GALNT17: variants seen among roughly 807,000 people sequenced by gnomAD.
GALNT17 encodes the protein polypeptide N-acetylgalactosaminyltransferase 17.
Under a neutral mutation model 63.7 loss-of-function variants are expected in GALNT17, and 29 were observed. The ratio of observed to expected loss-of-function variants is 0.46; its 90% CI spans 0.34 to 0.62. The LOEUF is 0.62. GALNT17 is among the 20% of genes least tolerant of loss of function. The pLI, the probability that GALNT17 is intolerant of heterozygous loss-of-function variation, is 0.01. For synonymous variants in GALNT17, 305 were observed against 318.3 expected, an observed-to-expected ratio of 0.96 and a Z score of 0.45; for missense variants, 603 against 799.6, an observed-to-expected ratio of 0.75 and a Z score of 2.97.
intron 3 of GALNT17, among the ~76,000 whole-genome samples, chr7:71,407,352 T>A (rs1024393591): frequency 4.6e-5 from 7 of 152,320 alleles, no homozygotes; most frequent in African/African-American, 1.7e-4. Flanking sequence ...GACTGGGCTT[T>A]AGGAGCAAGC....
At chr7:71,668,281 C>T (rs2117052146) in intron 7 of GALNT17, among the ~76,000 whole-genome samples, 1 of 152,066 alleles carries the variant, frequency 6.6e-6, no homozygotes, top group African/African-American at 2.4e-5. Flanking sequence ...CTTTGGGAGG[C>T]CGAGGCGGGC....
chr7:71,419,012 C>T (rs920406646), intron 4 of GALNT17, among the ~76,000 whole-genome samples: 70 of 152,002 alleles, frequency 4.6e-4, no homozygotes, highest in Admixed American at 7.9e-4. Flanking sequence ...ACCTGGGAGG[C>T]GGAAGTTGCA....
intron 5 of GALNT17, among the ~76,000 whole-genome samples, chr7:71,569,950 T>C (rs1372832237): frequency 6.6e-6 from 1 of 152,210 alleles, no homozygotes; most frequent in Non-Finnish European, 1.5e-5. Flanking sequence ...TTTGAGAAAT[T>C]TCCAAACTGC....
At chr7:71,593,244 C>G (rs1203176976) in intron 6 of GALNT17, among the ~76,000 whole-genome samples, 2 of 145,394 alleles carry the variant, frequency 1.4e-5, no homozygotes, top group Non-Finnish European at 3.0e-5. Flanking sequence ...GATAGATTTA[C>G]CAATATTTTT....
intron 1 of GALNT17, among the ~76,000 whole-genome samples, chr7:71,213,254 AT>A (rs1789415619): frequency 6.6e-6 from 1 of 151,848 alleles, no homozygotes; most frequent in Non-Finnish European, 1.5e-5. Flanking sequence ...CTTCTTCCTC[AT>A]TTTTCTCTTG....
rs146380764 is a variant in GALNT17 at position 71,497,760 on chromosome 7, T to C, written c.963-73525T>C. Among the ~76,000 whole-genome samples, 38 of 152,306 alleles carry C rather than the reference T, an allele frequency of 2.5e-4. 1 individual carries two copies. The East Asian group carries it at 5.8e-3, about 23-fold the overall frequency. On this transcript the variant is annotated intron_variant, in intron 5 of 10. Coordinates refer to ENST00000333538, the MANE Select transcript of GALNT17 (RefSeq NM_022479.3). ...CGTCCACTGCTGCCCACTCCTGCTGTTGTTGCTGATATTGAATGGCAAGGC... is the reference window on the plus strand; with the variant it reads ...CGTCCACTGCTGCCCACTCCTGCTGCTGTTGCTGATATTGAATGGCAAGGC...
At chr7:71,421,998 CA>C (rs1269830154) in intron 5 of GALNT17, among the ~76,000 whole-genome samples, 1 of 150,958 alleles carries the variant, frequency 6.6e-6, no homozygotes, top group Non-Finnish European at 1.5e-5. Context: ...AGGTTGATTT[CA>C]ATGCTATATT....
chr7:71,471,399 CAAAAAAA>C (rs35529889), intron 5 of GALNT17, among the ~76,000 whole-genome samples: 1 of 89,590 alleles, frequency 1.1e-5, no homozygotes. Flanking sequence ...TTTTTTTTTC[CAAAAAAA>C]AAAAAAAACA....
intron 1 of GALNT17, among the ~76,000 whole-genome samples, chr7:71,186,128 A>C (rs1788845718): frequency 6.6e-6 from 1 of 152,134 alleles, no homozygotes; most frequent in African/African-American, 2.4e-5. Context: ...TGTGTATGCA[A>C]CCCACATTTT....
At position 71,377,085 on chromosome 7, in the gene GALNT17, C is replaced by CAAAAA. The variant is rs34111153; in HGVS notation, c.423-11139_423-11135dup. On this transcript the variant is annotated intron_variant, in intron 2 of 10. Transcript: ENST00000333538. ...CGGGCAACAGAGCGATATTCCATCT[C>CAAAAA]AAAAAAAAAAAAAAATAAAAATAAA... 8.1e-3 allele frequency among the ~76,000 whole-genome samples: 150 copies of CAAAAA among 18,490 alleles called. 15 individuals carry two copies. The highest frequency in any genetic ancestry group is 0.012 in the Non-Finnish European group (123 of 10,466). 12.1% of individuals were successfully genotyped at this position (18,490 alleles called of 152,430 possible). A position where few individuals can be genotyped will look rare whatever the true frequency, so the allele number is the denominator to read the frequency against.
intron 2 of GALNT17, among the ~76,000 whole-genome samples, chr7:71,370,050 A>G (rs1279814774): frequency 6.6e-6 from 1 of 152,142 alleles, no homozygotes; most frequent in Non-Finnish European, 1.5e-5. Flanking sequence ...GTATTAGTGA[A>G]TGAGACCCAA....
chr7:71,256,523 G>A (rs772145434), intron 1 of GALNT17, among the ~76,000 whole-genome samples: 1 of 152,190 alleles, frequency 6.6e-6, no homozygotes, highest in Non-Finnish European at 1.5e-5. Flanking sequence ...GGTTGCAGTG[G>A]ATGGCACCAC....
intron 5 of GALNT17, among the ~76,000 whole-genome samples, chr7:71,491,960 A>G (rs997993617): frequency 6.6e-6 from 1 of 152,132 alleles, no homozygotes; most frequent in African/African-American, 2.4e-5. Flanking sequence ...ATTCAAGACC[A>G]GCCTGGGTAA....
chr7:71,292,704 T>G (rs1429473806), intron 1 of GALNT17, among the ~76,000 whole-genome samples: 1 of 140,424 alleles, frequency 7.1e-6, no homozygotes, highest in Non-Finnish European at 1.6e-5. Flanking sequence ...TGTGTGTGTG[T>G]GTGTGTGTTG....
intron 5 of GALNT17, among the ~76,000 whole-genome samples, chr7:71,441,086 G>A (rs1344450588): frequency 4.0e-5 from 6 of 151,510 alleles, no homozygotes; most frequent in African/African-American, 1.5e-4. Flanking sequence ...GCAGTGGCGC[G>A]ATCTTGGCTC....
At chr7:71,289,810 C>T (rs574247162) in intron 1 of GALNT17, among the ~76,000 whole-genome samples, 68 of 151,038 alleles carry the variant, frequency 4.5e-4, no homozygotes, top group African/African-American at 1.5e-3. Flanking sequence ...AAGGGGGAGG[C>T]GGAGGTTGTG....
chr7:71,617,131 A>G (rs1339120099), intron 6 of GALNT17, among the ~76,000 whole-genome samples: 1 of 149,010 alleles, frequency 6.7e-6, no homozygotes, highest in Non-Finnish European at 1.5e-5. Context: ...TTATTTATAC[A>G]ATATTATTTA....
chr7:71,530,814 C>T (rs1418292150), intron 5 of GALNT17, among the ~76,000 whole-genome samples: 8 of 152,066 alleles, frequency 5.3e-5, no homozygotes, highest in East Asian at 1.9e-4. Context: ...GTGATCCGTC[C>T]GCCTCGGCCT....
chr7:71,270,763 C>A (rs1164989447), intron 1 of GALNT17, among the ~76,000 whole-genome samples: 1 of 151,594 alleles, frequency 6.6e-6, no homozygotes, highest in African/African-American at 2.4e-5. Flanking sequence ...GAGTAATTGC[C>A]ATTTGATACA....
Sources: allele counts gnomAD v4.1 joint callset (sites outside exome capture counted in the v4.1 genomes callset), GRCh38; gene constraint gnomAD v4.1.1; transcripts MANE v1.5; gene names NCBI Gene and HGNC (gene_info 2026-07-23, HGNC 2026-07-21).